LOC400499: variants seen among roughly 807,000 people sequenced by gnomAD.
the LOC400499 span, chr16:11,485,039 G>C: frequency 5.0e-6 from 2 of 398,944 alleles, no homozygotes; most frequent in Non-Finnish European, 8.8e-6. Flanking sequence ...CAGCCTGTGA[G>C]CAATTTCCTC....
the LOC400499 span, chr16:11,460,651 G>C: frequency 2.0e-6 from 3 of 1,491,334 alleles, no homozygotes; most frequent in Non-Finnish European, 2.7e-6. Context: ...TCCTCTGCCA[G>C]GCAGCCCTCC....
At chr16:11,523,399 C>T in the LOC400499 span, 20 of 398,636 alleles carry the variant, frequency 5.0e-5, no homozygotes, top group Admixed American at 3.1e-4. Context: ...TGTGATCAGG[C>T]GTCCTGAGAG....
At chr16:11,447,180 CA>C in the LOC400499 span, among the ~76,000 whole-genome samples, 3 of 152,232 alleles carry the variant, frequency 2.0e-5, no homozygotes, top group African/African-American at 7.2e-5. Context: ...ATAGATGACA[CA>C]CAGCATCTGG....
At chr16:11,399,470 A>G in the LOC400499 span, 1 of 399,374 alleles carries the variant, frequency 2.5e-6, no homozygotes, top group Non-Finnish European at 4.4e-6. Context: ...CCCTGACCTC[A>G]CCTCGTAGGT....
At chr16:11,508,940 C>A in the LOC400499 span, 3 of 397,534 alleles carry the variant, frequency 7.5e-6, no homozygotes, top group South Asian at 1.4e-4. Context: ...GCCCCCACCC[C>A]CTCCAGTGCT....
chr16:11,468,496 T>C, the LOC400499 span, among the ~76,000 whole-genome samples: 1 of 152,180 alleles, frequency 6.6e-6, no homozygotes, highest in Non-Finnish European at 1.5e-5. Context: ...GTTAACATTT[T>C]TTAATGTTTT....
the LOC400499 span, chr16:11,383,601 T>G: frequency 8.1e-7 from 1 of 1,232,248 alleles, no homozygotes; most frequent in Non-Finnish European, 1.0e-6. Flanking sequence ...GGAAGGCAGA[T>G]GCCAGACGGG....
chr16:11,392,393 A>T, the LOC400499 span: 1 of 398,908 alleles, frequency 2.5e-6, no homozygotes, highest in Non-Finnish European at 4.4e-6. Context: ...CTGCAGGGTC[A>T]GGCGTCCCAG....
At chr16:11,391,368 G>C in the LOC400499 span, among the ~76,000 whole-genome samples, 1 of 149,720 alleles carries the variant, frequency 6.7e-6, no homozygotes, top group Non-Finnish European at 1.5e-5. Flanking sequence ...ACAGAAACAA[G>C]GCTGTATACT....
chr16:11,413,614 A>G, the LOC400499 span, among the ~76,000 whole-genome samples: 1 of 152,126 alleles, frequency 6.6e-6, no homozygotes, highest in African/African-American at 2.4e-5. Context: ...CTGAGTCCCT[A>G]TTTTGCTGCT....
chr16:11,385,326 G>C, the LOC400499 span: 7 of 1,232,180 alleles, frequency 5.7e-6, no homozygotes, highest in Non-Finnish European at 7.1e-6. Context: ...AAAGTCCTGG[G>C]CCAGGAGGAT....
the LOC400499 span, among the ~76,000 whole-genome samples, chr16:11,457,449 C>A: frequency 6.6e-6 from 1 of 151,860 alleles, no homozygotes; most frequent in Non-Finnish European, 1.5e-5. Context: ...AAAAATTAGC[C>A]GGGCATGGTG....
At chr16:11,461,162 G>A in the LOC400499 span, 3 of 1,496,212 alleles carry the variant, frequency 2.0e-6, no homozygotes, top group African/African-American at 1.4e-5. Context: ...TCAGCCCCCA[G>A]GGACCAGCAC....
At chr16:11,512,058 G>A in the LOC400499 span, among the ~76,000 whole-genome samples, 1 of 152,036 alleles carries the variant, frequency 6.6e-6, no homozygotes, top group Non-Finnish European at 1.5e-5. Context: ...GGAGGCCGAG[G>A]TGGGCGGATC....
the LOC400499 span, among the ~76,000 whole-genome samples, chr16:11,434,660 A>G: frequency 6.6e-6 from 1 of 152,232 alleles, no homozygotes; most frequent in Non-Finnish European, 1.5e-5. Flanking sequence ...TTACACCTGC[A>G]GCAAAGATGG....
At chr16:11,386,115 T>C in the LOC400499 span, among the ~76,000 whole-genome samples, 2,310 of 152,304 alleles carry the variant, frequency 0.015, 64 homozygotes, top group African/African-American at 0.051. Flanking sequence ...ACATTCACTA[T>C]GTAAGTGGAT....
At chr16:11,435,220 C>T in the LOC400499 span, among the ~76,000 whole-genome samples, 1 of 152,102 alleles carries the variant, frequency 6.6e-6, no homozygotes, top group Non-Finnish European at 1.5e-5. Flanking sequence ...TCAAGCAATC[C>T]TCCCACCTCA....
At chr16:11,440,285 T>C in the LOC400499 span, among the ~76,000 whole-genome samples, 2 of 152,220 alleles carry the variant, frequency 1.3e-5, no homozygotes, top group East Asian at 1.9e-4. Context: ...CCTGGACATA[T>C]AGCTAAAACT....
the LOC400499 span, among the ~76,000 whole-genome samples, chr16:11,433,784 C>T: frequency 2.0e-5 from 3 of 152,260 alleles, no homozygotes; most frequent in Admixed American, 1.3e-4. Flanking sequence ...TCACAGAGAG[C>T]TTCTGGGCTG....
Sources: allele counts gnomAD v4.1 joint callset (sites outside exome capture counted in the v4.1 genomes callset), GRCh38; gene constraint gnomAD v4.1.1; transcripts MANE v1.5.